Variants in NBEA observed in about 807,000 individuals in gnomAD.
The protein encoded by NBEA is neurobeachin.
NBEA carries 44 observed loss-of-function variants against 343.4 expected under a neutral mutation model. The ratio of observed to expected loss-of-function variants is 0.13; its 90% confidence interval spans 0.10 to 0.16. NBEA has a LOEUF of 0.16. Ranked by LOEUF, NBEA falls within the 10% of genes least tolerant of loss-of-function variation. The pLI is 1.00. For synonymous variants in NBEA, 1,175 were observed against 1,238.7 expected (o/e 0.95, Z 1.08); for missense variants, 2,555 against 3,631.3 (o/e 0.70, Z 7.62).
At chr13:35,268,525 C>G (rs1415491554) in intron 34 of NBEA, among the ~76,000 whole-genome samples, 1 of 151,802 alleles carries the variant, frequency 6.6e-6, no homozygotes, top group Non-Finnish European at 1.5e-5. Flanking sequence ...TCCTGTACCA[C>G]AGTAAAATAT....
intron 7 of NBEA, among the ~76,000 whole-genome samples, chr13:35,056,842 G>T (rs1336989833): frequency 6.6e-6 from 1 of 152,154 alleles, no homozygotes; most frequent in South Asian, 2.1e-4. Context: ...AGTGATGTGT[G>T]CTTCTATTTT....
intron 39 of NBEA, among the ~76,000 whole-genome samples, chr13:35,446,701 G>A (rs1032149962): frequency 1.3e-5 from 2 of 152,014 alleles, no homozygotes; most frequent in African/African-American, 4.8e-5. Flanking sequence ...ATAAGCAGAA[G>A]CTAGATCATG....
At chr13:35,044,908 C>T in intron 2 of NBEA, 39 bp from the exon 3 acceptor site, 1 of 1,511,626 alleles carries the variant, frequency 6.6e-7, no homozygotes, top group African/African-American at 1.4e-5. Flanking sequence ...GATGGCAGCT[C>T]ATGACTAGAG....
chr13:35,133,419 C>T (rs2067536341), intron 17 of NBEA, among the ~76,000 whole-genome samples: 1 of 152,188 alleles, frequency 6.6e-6, no homozygotes, highest in East Asian at 1.9e-4. Context: ...GGTACAATCA[C>T]ATTGAAGAAC....
chr13:35,076,112 T>C (rs1408783061), intron 10 of NBEA, among the ~76,000 whole-genome samples: 1 of 151,930 alleles, frequency 6.6e-6, no homozygotes, highest in Non-Finnish European at 1.5e-5. Flanking sequence ...AATATAATTA[T>C]TAATTTAGTT....
chr13:35,239,199 G>T (rs1398616119), intron 34 of NBEA, among the ~76,000 whole-genome samples: 1 of 151,992 alleles, frequency 6.6e-6, no homozygotes, highest in Non-Finnish European at 1.5e-5. Flanking sequence ...AACAATGAAT[G>T]GACATTTACA....
chr13:35,338,733 G>A (rs1480113573), intron 36 of NBEA, among the ~76,000 whole-genome samples: 1 of 152,006 alleles, frequency 6.6e-6, no homozygotes, highest in Non-Finnish European at 1.5e-5. Context: ...GACTATGGAT[G>A]CAAAAATCCT....
intron 1 of NBEA, among the ~76,000 whole-genome samples, chr13:34,968,877 ATTAATATCAATTGATTG>A (rs1455429153): frequency 1.3e-5 from 2 of 152,048 alleles, no homozygotes; most frequent in African/African-American, 2.4e-5. Context: ...AATATCAATT[ATTAATATCAATTGATTG>A]TTAATATCAA....
intron 6 of NBEA, among the ~76,000 whole-genome samples, chr13:35,055,733 T>C (rs1224001777): frequency 6.6e-6 from 1 of 152,118 alleles, no homozygotes; most frequent in Non-Finnish European, 1.5e-5. Context: ...CACAAATAAA[T>C]TGTATTTCTA....
intron 49 of NBEA, among the ~76,000 whole-genome samples, chr13:35,644,289 A>G (rs1399775494): frequency 6.6e-6 from 1 of 152,202 alleles, no homozygotes; most frequent in Non-Finnish European, 1.5e-5. Context: ...CTGATTGGGG[A>G]ACTCTTTTAA....
intron 26 of NBEA, 65 bp from the exon 27 acceptor site, chr13:35,173,399 A>C (rs2152723874): frequency 1.4e-6 from 2 of 1,394,292 alleles, no homozygotes; most frequent in East Asian, 5.2e-5. Flanking sequence ...ATAAACTTGC[A>C]ACTTTTTCCA....
At chr13:35,425,898 G>A (rs2044632000) in intron 38 of NBEA, among the ~76,000 whole-genome samples, 1 of 152,132 alleles carries the variant, frequency 6.6e-6, no homozygotes, top group Non-Finnish European at 1.5e-5. Context: ...TTACCATTAT[G>A]TAATGGCCTT....
At chr13:35,362,878 A>C (rs1310437154) in intron 38 of NBEA, among the ~76,000 whole-genome samples, 1 of 152,022 alleles carries the variant, frequency 6.6e-6, no homozygotes, top group African/African-American at 2.4e-5. Context: ...AGCACAAAAT[A>C]ATAACTTAAA....
rs542355933 is a variant in NBEA, at chr13:35,551,611, C to T, written c.6806+579C>T. ...ACTTATATTGCTGATATCAGTTTGT[C>T]GTTTTTGGCTCGAAATAACTGAATA... On this transcript the variant is annotated intron_variant, in intron 43 of 58. Coordinates refer to ENST00000379939, the MANE Select transcript of NBEA (RefSeq NM_001385012.1). Among the ~76,000 whole-genome samples, 111 of 152,184 alleles carry T rather than the reference C, an allele frequency of 7.3e-4. 1 individual carries two copies. Among genetic ancestry groups the T allele is most frequent in the African/African-American group, 2.5e-3 (104 of 41,534 alleles).
rs557069170 is a variant in NBEA, at chr13:35,260,984, T to A, written c.5776+28365T>A. 2.6e-5 allele frequency among the ~76,000 whole-genome samples: 4 copies of A among 152,260 alleles called. No homozygotes were observed. In the East Asian group the frequency reaches 7.7e-4, roughly 29 times the overall value. The stretch of plus-strand genomic sequence containing the variant: ...ATGACCAAATTGTTTCGCCAGTAAC[T>A]CAATTATGAGAACAAAGCCCAACAC... On this transcript the variant is annotated intron_variant, in intron 34 of 58. Coordinates refer to ENST00000379939, the MANE Select transcript of NBEA (RefSeq NM_001385012.1).
chr13:35,320,132 T>C (rs992847147), intron 36 of NBEA, among the ~76,000 whole-genome samples: 3 of 152,212 alleles, frequency 2.0e-5, no homozygotes, highest in African/African-American at 7.2e-5. Flanking sequence ...TTTGATCCTG[T>C]CATTATGACG....
In NBEA at chr13:34,943,030, C is replaced by A. The variant is rs371837892; in HGVS notation, c.210C>A (p.Ile70=). The A allele has an allele frequency of 5.6e-6, 9 of 1,612,926 alleles. No homozygotes were observed. The highest frequency in any genetic ancestry group is 7.6e-6 in the Non-Finnish European group (9 of 1,179,524). Reference sequence around the variant, plus strand: ...ACCCTTCGGTGCCGATCCGCAACATCCGGATGAAATTCGCAGTGTTGATTG... The same window carrying A: ...ACCCTTCGGTGCCGATCCGCAACATACGGATGAAATTCGCAGTGTTGATTG... The part of the protein sequence containing the change: ...MINPSVPIRN[I]RMKFAVLIGL... Residue 70 remains isoleucine (I), a synonymous_variant, in exon 1 of 59, where the codon ATC becomes ATA. Coordinates refer to ENST00000379939, the MANE Select transcript of NBEA (RefSeq NM_001385012.1).
chr13:35,330,716 G>T (rs1002571325), intron 36 of NBEA, among the ~76,000 whole-genome samples: 1 of 151,942 alleles, frequency 6.6e-6, no homozygotes, highest in Non-Finnish European at 1.5e-5. Context: ...ATCAACTGAC[G>T]CAAAGGCATG....
At chr13:35,153,863 C>A (rs2068963420) in intron 18 of NBEA, among the ~76,000 whole-genome samples, 1 of 152,172 alleles carries the variant, frequency 6.6e-6, no homozygotes, top group Non-Finnish European at 1.5e-5. Context: ...ATCTCATCCA[C>A]TGGGCTATAG....
Sources: allele counts gnomAD v4.1 joint callset (sites outside exome capture counted in the v4.1 genomes callset), GRCh38; gene constraint gnomAD v4.1.1; transcripts MANE v1.5; gene names NCBI Gene and HGNC (gene_info 2026-07-23, HGNC 2026-07-21).